EOLA1: variants seen among roughly 807,000 people sequenced by gnomAD.
The protein encoded by EOLA1 is endothelium and lymphocyte associated ASCH domain 1, also known as protein EOLA1.
A neutral mutation model predicts 4.5 loss-of-function variants in EOLA1; 1 was observed. The observed-to-expected ratio is 0.22, with a 90% CI of 0.08 to 1.05. The LOEUF is 1.05. Among genes scored for constraint, EOLA1 ranks in the 50% least tolerant of loss-of-function variants. EOLA1 has a pLI of 0.57. For synonymous variants in EOLA1, 37 were observed against 52.3 expected (o/e 0.71, Z 1.26); for missense variants, 69 against 127.2 (o/e 0.54, Z 2.20).
downstream of EOLA1, chrX:149,548,464 G>T (rs1175140157): frequency 3.1e-5 from 29 of 931,163 alleles, no homozygotes; most frequent in Middle Eastern, 1.3e-3. Flanking sequence ...CATAGTAACA[G>T]ATATTGTACA....
rs1485409511 is a variant in EOLA1, at chrX:149,544,542, G to A, written c.-162-826G>A. ...TCTATTAGGTGCCACGTACTGGGCT[G>A]GGTGCTCTTGGTGCCTTATCTCCCT... On this transcript the variant is annotated intron_variant, in intron 2 of 4. Transcript: ENST00000393985. 23 of 750,070 alleles carry A rather than the reference G, an allele frequency of 3.1e-5. No homozygotes were observed. In the Admixed American group the frequency reaches 3.5e-4, roughly 11 times the overall value. The allele number at this position is 750,070 out of a possible 1,213,427, so 61.8% of individuals were successfully genotyped here. A position where few individuals can be genotyped will look rare whatever the true frequency, so the allele number is the denominator to read the frequency against.
chrX:149,554,682 CAGA>C (rs782732778), downstream of EOLA1, among the ~76,000 whole-genome samples: 48 of 46,643 alleles, frequency 1.0e-3, no homozygotes, highest in African/African-American at 2.8e-3. Flanking sequence ...ATGATCTGAG[CAGA>C]AGAAGTTGTC....
intron 4 of EOLA1, among the ~76,000 whole-genome samples, chrX:149,546,246 G>A (rs1226725023): frequency 6.2e-5 from 6 of 96,699 alleles, no homozygotes; most frequent in East Asian, 6.9e-4. Context: ...CCAGCCCGCC[G>A]AATGGGTCAG....
At position 149,542,816 on chromosome X, in the gene EOLA1, C is replaced by T. The variant is rs12009168; in HGVS notation, c.-163+731C>T. ...CTTAAAGAACAGACAATCATTGTCT[C>T]GCAGTTCTGGAGGATGGAAGTCTGA... On this transcript the variant is annotated intron_variant, in intron 2 of 4. Coordinates refer to ENST00000393985, the MANE Select transcript of EOLA1 (RefSeq NM_001171907.3). Among the ~76,000 whole-genome samples the T allele has an allele frequency of 4.2e-3, 451 of 107,972 alleles. 9 individuals are homozygous for T. The highest frequency in any genetic ancestry group is 0.015 in the African/African-American group (429 of 29,101). 93.8% of individuals were successfully genotyped at this position (107,972 alleles called of 115,157 possible).
intron 2 of EOLA1, chrX:149,544,810 C>T (rs1454513890): frequency 1.3e-4 from 94 of 749,979 alleles, no homozygotes; most frequent in Non-Finnish European, 1.4e-4. Flanking sequence ...ACCACTGACC[C>T]TGCTGGGTTA....
rs1270464566 is a variant in EOLA1, at chrX:149,542,102, C to G, written c.-163+17C>G. The G allele has an allele frequency of 1.5e-6, 1 of 666,410 alleles. No individual in the cohort carries two copies. The highest frequency in any genetic ancestry group is 1.8e-6 in the Non-Finnish European group (1 of 558,745). 54.9% of individuals were successfully genotyped at this position (666,410 alleles called of 1,213,427 possible). On this transcript the variant is annotated intron_variant, in intron 2 of 4. Coordinates refer to ENST00000393985, the MANE Select transcript of EOLA1 (RefSeq NM_001171907.3). Reference sequence around the variant, plus strand: ...CAGCACCAGGTAGGAGGGGACTCAACCCCCTTCTTGCCTTTTCAGTTACAT... The same window carrying G: ...CAGCACCAGGTAGGAGGGGACTCAAGCCCCTTCTTGCCTTTTCAGTTACAT...
intron 2 of EOLA1, among the ~76,000 whole-genome samples, chrX:149,543,434 C>G (rs1449317054): frequency 1.2e-5 from 1 of 86,610 alleles, no homozygotes; most frequent in Admixed American, 1.2e-4. Context: ...CTCATTGTCC[C>G]TGTACCAAGA....
chrX:149,544,965 G>C (rs2089809735), intron 2 of EOLA1: 24 of 743,688 alleles, frequency 3.2e-5, no homozygotes, highest in Non-Finnish European at 3.6e-5. Context: ...GCTGACAGTG[G>C]AGAGCAGTGG....
chrX:149,541,819 C>T (rs1254617389), intron 1 of EOLA1, 200 bp from the exon 2 acceptor site: 6 of 750,303 alleles, frequency 8.0e-6, no homozygotes, highest in Admixed American at 1.7e-4. Flanking sequence ...GTCCTTGACC[C>T]AGACAGGTGC....
Position 149,548,246 on chromosome X carries a change from A to T in EOLA1, c.*1284A>T, listed in dbSNP as rs2089885252. 6 of 445,911 alleles carry T rather than the reference A, an allele frequency of 1.3e-5. No homozygotes were observed. Among genetic ancestry groups the T allele is most frequent in the Non-Finnish European group, 1.9e-5 (6 of 308,067 alleles). The allele number at this position is 445,911 out of a possible 1,213,427, so 36.7% of individuals were successfully genotyped here. A position where few individuals can be genotyped will look rare whatever the true frequency, so the allele number is the denominator to read the frequency against. On this transcript the variant is annotated 3_prime_UTR_variant, in exon 5 of 5. Transcript: ENST00000393985. The stretch of plus-strand genomic sequence containing the variant: ...ATTGTTTATTATTTATTTCCATGGA[A>T]TTTTGTTTTTCTTTATTAAGACCAA...
rs781910875 is a variant in EOLA1, at chrX:149,545,386, G to A, written c.-144G>A. 2.9e-4 allele frequency: 312 copies of A among 1,066,466 alleles called. 1 individual carries two copies. Among genetic ancestry groups the A allele is most frequent in the South Asian group, 7.1e-4 (28 of 39,535 alleles). The allele number at this position is 1,066,466 out of a possible 1,213,427, so 87.9% of individuals were successfully genotyped here. A position where few individuals can be genotyped will look rare whatever the true frequency, so the allele number is the denominator to read the frequency against. On this transcript the variant is annotated 5_prime_UTR_variant, in exon 3 of 5. Coordinates refer to ENST00000393985, the MANE Select transcript of EOLA1 (RefSeq NM_001171907.3). ...CCTCTAGCTGTCCCCGCCCTACTCC[G>A]GACCGCCCCAAAGACTCCATGGGAT...
chrX:149,546,223 C>T (rs1363830831), intron 4 of EOLA1, among the ~76,000 whole-genome samples: 2 of 100,429 alleles, frequency 2.0e-5, no homozygotes, highest in African/African-American at 7.2e-5. Context: ...TGGCAGAGAC[C>T]ATGAAAAGCA....
At position 149,544,684 on chromosome X, in the gene EOLA1, G is replaced by A. The variant is rs782268757; in HGVS notation, c.-162-684G>A. The A allele has an allele frequency of 4.0e-4, 301 of 751,361 alleles. 1 individual carries two copies. Among genetic ancestry groups the A allele is most frequent in the Non-Finnish European group, 4.6e-4 (294 of 638,771 alleles). 61.9% of individuals were successfully genotyped at this position (751,361 alleles called of 1,213,427 possible). On this transcript the variant is annotated intron_variant, in intron 2 of 4. Transcript: ENST00000393985. The stretch of plus-strand genomic sequence containing the variant: ...GGGCCGTCCTCCATGCAAGAGGAGG[G>A]GACCCTCTCCCAAGCCAGACACGCA...
chrX:149,549,302 A>C (rs1232883446), downstream of EOLA1: 5 of 1,106,299 alleles, frequency 4.5e-6, no homozygotes, highest in Non-Finnish European at 4.8e-6. Context: ...TATTATTCAA[A>C]TTGGTGTCCT....
downstream of EOLA1, among the ~76,000 whole-genome samples, chrX:149,553,792 T>C (rs1602830620): frequency 9.5e-6 from 1 of 105,723 alleles, no homozygotes; most frequent in East Asian, 3.3e-4. Flanking sequence ...AGAACAATTA[T>C]TGTGAGCTCC....
At chrX:149,544,413 A>G (rs1198885692) in intron 2 of EOLA1, 6 of 394,539 alleles carry the variant, frequency 1.5e-5, no homozygotes, top group Non-Finnish European at 1.9e-5. Context: ...TATGTGTTGA[A>G]AGGAAGGACA....
At chrX:149,542,507 C>T (rs2089749087) in intron 2 of EOLA1, among the ~76,000 whole-genome samples, 2 of 110,797 alleles carry the variant, frequency 1.8e-5, no homozygotes, top group Non-Finnish European at 3.8e-5. Flanking sequence ...TTTCCTTCAG[C>T]ATGTCTTCAC....
rs1448863047 is a variant in EOLA1 at position 149,542,057 on chromosome X, C to G, written c.-191C>G. On this transcript the variant is annotated 5_prime_UTR_variant, in exon 2 of 5. Coordinates refer to ENST00000393985, the MANE Select transcript of EOLA1 (RefSeq NM_001171907.3). ...GTGGAAGAGTGTTTCCTCCTCTGGC[C>G]GTAAAGCAGGTACTCTCTGCAGCAC... 1.1e-5 allele frequency: 8 copies of G among 751,325 alleles called. No individual in the cohort carries two copies. The highest frequency in any genetic ancestry group is 2.3e-5 in the African/African-American group (1 of 43,376). 61.9% of individuals were successfully genotyped at this position (751,325 alleles called of 1,213,427 possible). A position where few individuals can be genotyped will look rare whatever the true frequency, so the allele number is the denominator to read the frequency against.
intron 1 of EOLA1, 93 bp from the exon 2 acceptor site, chrX:149,541,926 T>C (rs1557346371): frequency 3.3e-6 from 2 of 609,148 alleles, no homozygotes; most frequent in African/African-American, 2.4e-5. Flanking sequence ...TGGTTTCCAA[T>C]GCCTGCTAAG....
Sources: allele counts gnomAD v4.1 joint callset (sites outside exome capture counted in the v4.1 genomes callset), GRCh38; gene constraint gnomAD v4.1.1; transcripts MANE v1.5; gene names NCBI Gene and HGNC (gene_info 2026-07-23, HGNC 2026-07-21).